Variants in AQP5 observed in about 807,000 individuals in gnomAD.
AQP5 encodes the protein aquaporin 5.
Under a neutral mutation model 19.1 loss-of-function variants are expected in AQP5, and 15 were observed. That is an observed-to-expected ratio of 0.79 (90% CI 0.53 to 1.21). The LOEUF (loss-of-function observed/expected upper bound fraction) is 1.21. Among genes scored for constraint, AQP5 ranks in the 50% most tolerant of loss-of-function variants. AQP5 has a pLI of 0.00. For synonymous variants in AQP5, 182 were observed against 160.3 expected, an observed-to-expected ratio of 1.14 and a Z score of -1.02; for missense variants, 355 against 357.1, an observed-to-expected ratio of 0.99 and a Z score of 0.05.
Position 49,963,965 on chromosome 12 carries a change from G to A in AQP5, c.529-127G>A, listed in dbSNP as rs957321217. 6.3e-6 allele frequency: 6 copies of A among 958,352 alleles called. No homozygotes were observed. The African/African-American group carries it at 9.6e-5, about 15-fold the overall frequency. 59.4% of individuals were successfully genotyped at this position (958,352 alleles called of 1,614,324 possible). On this transcript the variant is annotated intron_variant, in intron 2 of 3. Transcript: ENST00000293599. ...CAAGCAGCTGGGATCCTTGGAGGGA[G>A]AGGTTGCCAGCCTGAGTTTGAGACC...
Position 49,965,210 on chromosome 12 carries a change from C to A in AQP5, c.*33C>A, listed in dbSNP as rs1475921832. 6.4e-7 allele frequency: 1 copy of A among 1,557,120 alleles called. No homozygotes were observed. The highest frequency in any genetic ancestry group is 8.7e-7 in the Non-Finnish European group (1 of 1,154,434). On this transcript the variant is annotated 3_prime_UTR_variant, in exon 4 of 4. Coordinates refer to ENST00000293599, the MANE Select transcript of AQP5 (RefSeq NM_001651.4). ...CAGGCAGGGGCCAGCCCCTCAGCCC[C>A]TGAGCCAAGGGGGAAAAGAAGAAAA... is the stretch of plus-strand genomic sequence containing the variant.
chr12:49,964,894 C>T, intron 3 of AQP5, 98 bp from the exon 4 acceptor site: 2 of 1,505,600 alleles, frequency 1.3e-6, no homozygotes, highest in African/African-American at 1.4e-5. Flanking sequence ...ATGTCTGTCT[C>T]CTCTCAGGGT....
At chr12:49,964,682 A>G (rs921443995) in intron 3 of AQP5, 1 of 984,800 alleles carries the variant, frequency 1.0e-6, no homozygotes, top group Admixed American at 6.2e-5. Flanking sequence ...CGTCTCTCTG[A>G]GGACCCACGT....
chr12:49,962,140 C>A lies in AQP5; in HGVS notation c.123C>A (p.Thr41=), dbSNP rs780815226. 3.7e-6 allele frequency: 6 copies of A among 1,613,074 alleles called. No individual in the cohort carries two copies. In the Admixed American group the frequency reaches 1.0e-4, roughly 27 times the overall value. The change falls in exon 1 of 4, where the codon ACC becomes ACA. Residue 41 remains threonine, a synonymous_variant. Transcript: ENST00000293599. ...SALKWPSALP[T]ILQIALAFGL... ...TCAAGTGGCCGTCGGCGCTGCCTAC[C>A]ATCCTGCAGATCGCGCTGGCGTTTG... is the stretch of plus-strand genomic sequence containing the variant.
In AQP5 at chr12:49,962,336, G is replaced by T. The variant is rs763760977; in HGVS notation, c.319G>T (p.Gly107Cys). ...GAIAGAGILY[G>C]VAPLNARGNL... ...CATTGCCGGGGCTGGCATCCTCTAC[G>T]GTGTGGCACCGCTCAATGCCCGGGG... Residue 107 changes from glycine (G) to cysteine (C), a missense_variant, in exon 1 of 4, where the codon GGT becomes TGT. Coordinates refer to ENST00000293599, the MANE Select transcript of AQP5 (RefSeq NM_001651.4). 7 of 1,605,634 alleles carry T rather than the reference G, an allele frequency of 4.4e-6. No individual in the cohort carries two copies. Among genetic ancestry groups the T allele is most frequent in the Non-Finnish European group, 5.9e-6 (7 of 1,179,538 alleles).
In AQP5 at chr12:49,965,426, G is replaced by A. The variant is rs923733582; in HGVS notation, c.*249G>A. The A allele has an allele frequency of 4.2e-5, 16 of 382,060 alleles. No individual in the cohort carries two copies. The highest frequency in any genetic ancestry group is 1.7e-4 in the Admixed American group (4 of 23,158). 23.7% of individuals were successfully genotyped at this position (382,060 alleles called of 1,614,324 possible). On this transcript the variant is annotated 3_prime_UTR_variant, in exon 4 of 4. Coordinates refer to ENST00000293599, the MANE Select transcript of AQP5 (RefSeq NM_001651.4). Reference sequence around the variant, plus strand: ...AGACCTCAGAGATTGTGAATGCAGTGCCAAGCTCACAGGCTGCAAGGGCCA... The same window carrying A: ...AGACCTCAGAGATTGTGAATGCAGTACCAAGCTCACAGGCTGCAAGGGCCA...
chr12:49,963,621 A>T lies in AQP5; in HGVS notation c.493A>T (p.Ile165Phe). ...CCCTGTGGGCTCCCCAGCCCTGTCC[A>T]TTGGCCTGTCTGTCACCCTGGGCCA... ...TSPVGSPALSIGLSVTLGHLV... is the reference protein window; with the variant it reads ...TSPVGSPALSFGLSVTLGHLV... Residue 165 changes from isoleucine (I) to phenylalanine (F), a missense_variant, in exon 2 of 4, where the codon ATT (isoleucine) becomes TTT (phenylalanine). Ile to Phe is a conservative substitution (Grantham distance 21, BLOSUM62 0). Transcript: ENST00000293599. The T allele has an allele frequency of 6.2e-7, 1 of 1,613,752 alleles. No individual in the cohort carries two copies. The highest frequency in any genetic ancestry group is 8.5e-7 in the Non-Finnish European group (1 of 1,179,996).
At position 49,964,123 on chromosome 12, in the gene AQP5, C is replaced by T. The variant is rs1379527461; in HGVS notation, c.560C>T (p.Ala187Val). The change falls in exon 3 of 4, where the codon GCC becomes GTC. Residue 187 changes from alanine to valine, a missense_variant. Transcript: ENST00000293599. Reference protein sequence around the residue: ...IYFTGCSMNPARSFGPAVVMN... With the variant: ...IYFTGCSMNPVRSFGPAVVMN... The stretch of plus-strand genomic sequence containing the variant: ...TTCACTGGCTGCTCCATGAACCCAG[C>T]CCGCTCTTTTGGCCCTGCGGTGGTC... The T allele has an allele frequency of 2.5e-6, 4 of 1,614,202 alleles. No individual in the cohort carries two copies. Among genetic ancestry groups the T allele is most frequent in the Non-Finnish European group, 1.7e-6 (2 of 1,180,032 alleles).
Position 49,965,413 on chromosome 12 carries a change from T to C in AQP5, c.*236T>C, listed in dbSNP as rs1046067110. On this transcript the variant is annotated 3_prime_UTR_variant, in exon 4 of 4. Coordinates refer to ENST00000293599, the MANE Select transcript of AQP5 (RefSeq NM_001651.4). Reference sequence around the variant, plus strand: ...GTCTCTCTGGGACAGACCTCAGAGATTGTGAATGCAGTGCCAAGCTCACAG... The same window carrying C: ...GTCTCTCTGGGACAGACCTCAGAGACTGTGAATGCAGTGCCAAGCTCACAG... 5 of 425,598 alleles carry C rather than the reference T, an allele frequency of 1.2e-5. No homozygotes were observed. Among genetic ancestry groups the C allele is most frequent in the Non-Finnish European group, 2.1e-5 (5 of 243,850 alleles). The allele number at this position is 425,598 out of a possible 1,614,324, so 26.4% of individuals were successfully genotyped here. A position where few individuals can be genotyped will look rare whatever the true frequency, so the allele number is the denominator to read the frequency against.
Position 49,965,077 on chromosome 12 carries a change from G to A in AQP5, c.698G>A (p.Ser233Asn), listed in dbSNP as rs755088994. Residue 233 changes from serine (S) to asparagine (N), a missense_variant, in exon 4 of 4, where the codon AGT becomes AAT. Physicochemically the swap from Ser to Asn is conservative, Grantham distance 46 (BLOSUM62 1). Coordinates refer to ENST00000293599, the MANE Select transcript of AQP5 (RefSeq NM_001651.4). ...YLLFPNSLSL[S>N]ERVAIIKGTY... ...CTCTTCCCCAACTCCCTGAGCCTGA[G>A]TGAGCGTGTGGCCATCATCAAAGGC... 4.3e-6 allele frequency: 7 copies of A among 1,614,098 alleles called. No individual in the cohort carries two copies. Among genetic ancestry groups the A allele is most frequent in the Admixed American group, 1.7e-5 (1 of 60,024 alleles).
Position 49,965,228 on chromosome 12 carries a change from G to T in AQP5, c.*51G>T. On this transcript the variant is annotated 3_prime_UTR_variant, in exon 4 of 4. Transcript: ENST00000293599. ...TCAGCCCCTGAGCCAAGGGGGAAAA[G>T]AAGAAAAAGTACCTAACACAAGCTT... is the stretch of plus-strand genomic sequence containing the variant. 1.3e-6 allele frequency: 2 copies of T among 1,506,866 alleles called. No individual in the cohort carries two copies. The highest frequency in any genetic ancestry group is 1.4e-5 in the African/African-American group (1 of 71,216). 93.3% of individuals were successfully genotyped at this position (1,506,866 alleles called of 1,614,324 possible).
At position 49,964,158 on chromosome 12, in the gene AQP5, T is replaced by C. The variant is rs1395686918; in HGVS notation, c.595T>C (p.Phe199Leu). ...TGGCCCTGCGGTGGTCATGAATCGG[T>C]TCAGCCCCGCTCACTGGGTGAGTCT... is the stretch of plus-strand genomic sequence containing the variant. ...SFGPAVVMNR[F>L]SPAHWVFWVG... The change falls in exon 3 of 4, where the codon TTC (phenylalanine) becomes CTC (leucine). Residue 199 changes from phenylalanine to leucine, a missense_variant. By Grantham distance (22) the Phe-to-Leu change is conservative (BLOSUM62 0). Coordinates refer to ENST00000293599, the MANE Select transcript of AQP5 (RefSeq NM_001651.4). 5 of 1,614,126 alleles carry C rather than the reference T, an allele frequency of 3.1e-6. No homozygotes were observed. Among genetic ancestry groups the C allele is most frequent in the Non-Finnish European group, 4.2e-6 (5 of 1,179,998 alleles).
chr12:49,964,610 T>C (rs555366636), intron 3 of AQP5: 46 of 981,420 alleles, frequency 4.7e-5, no homozygotes, highest in African/African-American at 4.4e-4. Flanking sequence ...TGGAAGCTCA[T>C]GGTCACTCTC....
At chr12:49,964,659 C>A (rs967787101) in intron 3 of AQP5, 1 of 985,238 alleles carries the variant, frequency 1.0e-6, no homozygotes, top group Non-Finnish European at 1.2e-6. Context: ...AGGGGACACG[C>A]GCTCTGTTCA....
In AQP5 at chr12:49,965,202, CT is replaced by C. The variant is rs1322699497; in HGVS notation, c.*26del. 1 of 1,575,482 alleles carries C rather than the reference CT, an allele frequency of 6.3e-7. No homozygotes were observed. The highest frequency in any genetic ancestry group is 2.3e-5 in the East Asian group (1 of 44,158). On this transcript the variant is annotated 3_prime_UTR_variant, in exon 4 of 4. Transcript: ENST00000293599. ...ACCAGTGTCAGGCAGGGGCCAGCCC[CT>C]CAGCCCCTGAGCCAAGGGGGAAAAG... is the stretch of plus-strand genomic sequence containing the variant.
Position 49,962,027 on chromosome 12 carries a change from G to A in AQP5, c.10G>A (p.Glu4Lys), listed in dbSNP as rs1947428679. 1.3e-6 allele frequency: 2 copies of A among 1,512,884 alleles called. No homozygotes were observed. Among genetic ancestry groups the A allele is most frequent in the Admixed American group, 2.0e-5 (1 of 48,940 alleles). The allele number at this position is 1,512,884 out of a possible 1,614,324, so 93.7% of individuals were successfully genotyped here. A position where few individuals can be genotyped will look rare whatever the true frequency, so the allele number is the denominator to read the frequency against. The change falls in exon 1 of 4, where the codon GAG becomes AAG. Residue 4 changes from glutamate (E) to lysine (K), a missense_variant. Coordinates refer to ENST00000293599, the MANE Select transcript of AQP5 (RefSeq NM_001651.4). ...GGCCCCCGCGGCCACCATGAAGAAG[G>A]AGGTGTGCTCCGTGGCCTTCCTCAA... is the stretch of plus-strand genomic sequence containing the variant. MKK[E>K]VCSVAFLKAV... is the part of the protein sequence containing the mutation.
At chr12:49,963,864 G>A in intron 2 of AQP5, 1 of 825,370 alleles carries the variant, frequency 1.2e-6, no homozygotes, top group Non-Finnish European at 1.9e-6. Flanking sequence ...TAAGTAGGAG[G>A]TGGGATGGGA....
chr12:49,962,318 G>A lies in AQP5; in HGVS notation c.301G>A (p.Gly101Arg). ...GGCCCAGCTGGTGGGCGCCATTGCC[G>A]GGGCTGGCATCCTCTACGGTGTGGC... ...VAAQLVGAIA[G>R]AGILYGVAPL... is the part of the protein sequence containing the mutation. Residue 101 changes from glycine to arginine, a missense_variant, in exon 1 of 4, where the codon GGG (glycine) becomes AGG (arginine). Transcript: ENST00000293599. The A allele has an allele frequency of 5.0e-6, 8 of 1,607,308 alleles. No homozygotes were observed. Among genetic ancestry groups the A allele is most frequent in the Non-Finnish European group, 5.9e-6 (7 of 1,179,846 alleles).
At chr12:49,964,792 T>C in intron 3 of AQP5, 200 bp from the exon 4 acceptor site, 7 of 985,438 alleles carry the variant, frequency 7.1e-6, no homozygotes, top group Middle Eastern at 5.2e-4. Flanking sequence ...TAGGTGTCTG[T>C]GGTCCATGTC....
Sources: allele counts gnomAD v4.1 joint callset, GRCh38; gene constraint gnomAD v4.1.1; transcripts MANE v1.5; gene names NCBI Gene and HGNC (gene_info 2026-07-23, HGNC 2026-07-21).